Variants in ARHGAP31 observed in about 807,000 individuals in gnomAD.
ARHGAP31 encodes the protein rho GTPase-activating protein 31.
Under a neutral mutation model 113.9 loss-of-function variants are expected in ARHGAP31, and 34 were observed. That is an observed-to-expected ratio of 0.30 (90% confidence interval 0.23 to 0.40). The LOEUF is 0.40. Among genes scored for constraint, ARHGAP31 ranks in the 10% least tolerant of loss-of-function variants. The pLI is 1.00. For missense variants in ARHGAP31, 1,548 were observed against 1,767.1 expected, an observed-to-expected ratio of 0.88 and a Z score of 2.22; for synonymous variants, 650 against 684.8, an observed-to-expected ratio of 0.95 and a Z score of 0.79.
intron 10 of ARHGAP31, among the ~76,000 whole-genome samples, chr3:119,403,087 A>C (rs774054323): frequency 1.3e-5 from 2 of 152,186 alleles, no homozygotes; most frequent in Non-Finnish European, 1.5e-5. Flanking sequence ...ATTAACAAGC[A>C]AACATGGGCC....
At position 119,401,848 on chromosome 3, in the gene ARHGAP31, C is replaced by A. The variant is rs186045957; in HGVS notation, c.1096C>A (p.Arg366=). 5.0e-6 allele frequency: 8 copies of A among 1,613,986 alleles called. No individual in the cohort carries two copies. Among genetic ancestry groups the A allele is most frequent in the Admixed American group, 1.7e-5 (1 of 60,012 alleles). Residue 366 remains arginine (R), a synonymous_variant, in exon 10 of 12, where the codon CGA becomes AGA. Coordinates refer to ENST00000264245, the MANE Select transcript of ARHGAP31 (RefSeq NM_020754.4). The part of the protein sequence containing the change: ...EGKETKGNFN[R]TVTTGGFFIP... The stretch of plus-strand genomic sequence containing the variant: ...AAAAGAAACCAAGGGAAATTTCAAT[C>A]GAACAGTTACCACCGGTGGATTTTT...
chr3:119,367,241 T>C (rs986470896), intron 2 of ARHGAP31, among the ~76,000 whole-genome samples: 4 of 152,210 alleles, frequency 2.6e-5, no homozygotes, highest in Non-Finnish European at 5.9e-5. Context: ...GTTTCAAAAA[T>C]GCTGGTTCTG....
At chr3:119,370,836 T>C (rs191707445) in intron 3 of ARHGAP31, among the ~76,000 whole-genome samples, 22 of 152,314 alleles carry the variant, frequency 1.4e-4, no homozygotes, top group African/African-American at 5.3e-4. Context: ...TTTTACACTA[T>C]TTTTTGTTTG....
chr3:119,383,277 A>T (rs2080419351), intron 6 of ARHGAP31, 51 bp downstream of exon 6: 3 of 1,609,786 alleles, frequency 1.9e-6, no homozygotes, highest in Non-Finnish European at 1.7e-6. Context: ...TCTTTCTTGC[A>T]ACTAGTGGTG....
chr3:119,397,174 T>A (rs2080560063), intron 8 of ARHGAP31, among the ~76,000 whole-genome samples: 1 of 152,124 alleles, frequency 6.6e-6, no homozygotes, highest in Admixed American at 6.5e-5. Flanking sequence ...GAGCTCTTAG[T>A]TAATCTCCAG....
rs567838935 is a variant in ARHGAP31 at position 119,413,815 on chromosome 3, G to A, written c.1927-41G>A. On this transcript the variant is annotated intron_variant, in intron 11 of 11. Coordinates refer to ENST00000264245, the MANE Select transcript of ARHGAP31 (RefSeq NM_020754.4). ...GGAAACGCTGATGTCAGCACCCAGA[G>A]TACTTAGTTCTAAGACAATCAGTTT... 30 of 1,614,108 alleles carry A rather than the reference G, an allele frequency of 1.9e-5. No individual in the cohort carries two copies. The South Asian group carries it at 3.2e-4, about 17-fold the overall frequency.
intron 1 of ARHGAP31, among the ~76,000 whole-genome samples, chr3:119,357,720 C>G (rs182738194): frequency 8.3e-4 from 127 of 152,274 alleles, no homozygotes; most frequent in African/African-American, 2.9e-3. Flanking sequence ...GGAGGTTATA[C>G]TTGAGTTAAA....
Position 119,415,614 on chromosome 3 carries a change from C to T in ARHGAP31, c.3685C>T (p.Leu1229=). The stretch of plus-strand genomic sequence containing the variant: ...CTCAGGGGAGAATGGGGTTCAGCCT[C>T]TGGAGAGGAGCCAGGAGGGACCCAG... The part of the protein sequence containing the change: ...QSSGENGVQP[L]ERSQEGPSST... The change falls in exon 12 of 12, where the codon CTG becomes TTG. Residue 1229 remains leucine (L), a synonymous_variant. Transcript: ENST00000264245. 6.2e-7 allele frequency: 1 copy of T among 1,614,146 alleles called. No homozygotes were observed. The highest frequency in any genetic ancestry group is 8.5e-7 in the Non-Finnish European group (1 of 1,180,020).
chr3:119,307,379 AC>A (rs2079638938), intron 1 of ARHGAP31, among the ~76,000 whole-genome samples: 2 of 152,192 alleles, frequency 1.3e-5, no homozygotes, highest in Admixed American at 6.5e-5. Context: ...TGGAAATCTT[AC>A]CGTGTTTCAG....
At chr3:119,358,594 C>G (rs1178840259) in intron 1 of ARHGAP31, among the ~76,000 whole-genome samples, 1 of 152,130 alleles carries the variant, frequency 6.6e-6, no homozygotes, top group African/African-American at 2.4e-5. Context: ...GGAAATAACT[C>G]AAATTTCTAT....
At chr3:119,402,510 C>A in intron 10 of ARHGAP31, 113 bp downstream of exon 10, 2 of 1,173,074 alleles carry the variant, frequency 1.7e-6, no homozygotes, top group Non-Finnish European at 2.5e-6. Context: ...GGCTCTAGAG[C>A]CCGATTGGGT....
intron 1 of ARHGAP31, among the ~76,000 whole-genome samples, chr3:119,308,817 A>C (rs1219527554): frequency 6.6e-6 from 1 of 152,106 alleles, no homozygotes; most frequent in Non-Finnish European, 1.5e-5. Flanking sequence ...CCCAATTCCT[A>C]AATGTGGTCA....
intron 1 of ARHGAP31, among the ~76,000 whole-genome samples, chr3:119,349,244 CCTCAAGTATGTT>C (rs1447942243): frequency 1.3e-5 from 2 of 152,118 alleles, no homozygotes; most frequent in Non-Finnish European, 2.9e-5. Context: ...ACATCTTATC[CCTCAAGTATGTT>C]CCCTGGAGCA....
rs756795928 is a variant in ARHGAP31 at position 119,401,895 on chromosome 3, C to T, written c.1143C>T (p.His381=). Reference sequence around the variant, plus strand: ...TTTTCATTCCAGCAACAAAGATGCACTCCACCGGCACCGGCAGCTCATGTG... The same window carrying T: ...TTTTCATTCCAGCAACAAAGATGCATTCCACCGGCACCGGCAGCTCATGTG... ...GGFFIPATKM[H]STGTGSSCDL... Residue 381 remains histidine (H), a synonymous_variant, in exon 10 of 12, where the codon CAC becomes CAT. Transcript: ENST00000264245. 33 of 1,614,008 alleles carry T rather than the reference C, an allele frequency of 2.0e-5. No homozygotes were observed. Among genetic ancestry groups the T allele is most frequent in the Non-Finnish European group, 2.6e-5 (31 of 1,180,034 alleles).
intron 8 of ARHGAP31, among the ~76,000 whole-genome samples, chr3:119,395,908 T>C (rs914205905): frequency 3.3e-5 from 5 of 152,136 alleles, no homozygotes; most frequent in African/African-American, 4.8e-5. Context: ...GCAAGACAGA[T>C]GCAAATCAGA....
chr3:119,364,857 C>T (rs2107622536), intron 1 of ARHGAP31, among the ~76,000 whole-genome samples: 1 of 152,262 alleles, frequency 6.6e-6, no homozygotes, highest in East Asian at 1.9e-4. Flanking sequence ...CTTTGGGAGG[C>T]CAAGGCGGGT....
chr3:119,359,494 C>G (rs571310389), intron 1 of ARHGAP31, among the ~76,000 whole-genome samples: 20 of 151,304 alleles, frequency 1.3e-4, no homozygotes, highest in Admixed American at 1.2e-3. Context: ...TAAATAAATA[C>G]CACAACTTTT....
At chr3:119,336,489 G>A (rs2079949216) in intron 1 of ARHGAP31, among the ~76,000 whole-genome samples, 1 of 152,104 alleles carries the variant, frequency 6.6e-6, no homozygotes, top group Non-Finnish European at 1.5e-5. Flanking sequence ...GTCGTCAGCA[G>A]AAAAGTTAAA....
At chr3:119,402,477 A>C (rs910902124) in intron 10 of ARHGAP31, 80 bp downstream of exon 10, 2 of 1,462,852 alleles carry the variant, frequency 1.4e-6, no homozygotes, top group African/African-American at 2.8e-5. Flanking sequence ...GCAAGGCAAT[A>C]TAGTGCGGTG....
Sources: allele counts gnomAD v4.1 joint callset (sites outside exome capture counted in the v4.1 genomes callset), GRCh38; gene constraint gnomAD v4.1.1; transcripts MANE v1.5; gene names NCBI Gene and HGNC (gene_info 2026-07-23, HGNC 2026-07-21).